RUNX3: variants seen among roughly 807,000 people sequenced by gnomAD.
RUNX3 encodes runt-related transcription factor 3.
In RUNX3, 10 loss-of-function variants were observed where a neutral mutation model predicts 27.7. That is an observed-to-expected ratio of 0.36 (90% CI 0.22 to 0.61). The LOEUF is 0.61. Among genes scored for constraint, RUNX3 ranks in the 20% least tolerant of loss-of-function variants. The pLI, the probability that RUNX3 is intolerant of heterozygous loss-of-function variation, is 0.72. For synonymous variants in RUNX3, 270 were observed against 269.2 expected, an observed-to-expected ratio of 1.00 and a Z score of -0.03; for missense variants, 469 against 629.5, an observed-to-expected ratio of 0.75 and a Z score of 2.73.
In RUNX3 at chr1:24,943,333, C is replaced by A. The variant is rs1392357455; in HGVS notation, c.59-13481G>T. ...AATGTGAGGCTCCTGGAGACAGGGT[C>A]ATGGACTTGAGGCTCTGAGACCCTG... On this transcript the variant is annotated intron_variant, in intron 2 of 6. Transcript: ENST00000338888. The surrounding 1 kb of genome is among the most constrained non-coding windows in gnomAD (Gnocchi z 4.6). Among the ~76,000 whole-genome samples the A allele has an allele frequency of 6.6e-6, 1 of 152,208 alleles. No homozygotes were observed.
In RUNX3 at chr1:24,906,540, G is replaced by A. The variant is rs114241303; in HGVS notation, c.703+719C>T. 4.3e-3 allele frequency among the ~76,000 whole-genome samples: 657 copies of A among 152,306 alleles called. 8 individuals carry two copies. The highest frequency in any genetic ancestry group is 0.015 in the African/African-American group (634 of 41,562). Reference sequence around the variant, plus strand: ...CAGAGGAGAGATGCAGCCGGCAGCCGTTTAGTGAGCGGCTACTATGCGCCA... The same window carrying A: ...CAGAGGAGAGATGCAGCCGGCAGCCATTTAGTGAGCGGCTACTATGCGCCA... On this transcript the variant is annotated intron_variant, in intron 4 of 4. Transcript: ENST00000308873.
chr1:24,911,570 C>T (rs1254205087), intron 3 of RUNX3, among the ~76,000 whole-genome samples: 1 of 152,212 alleles, frequency 6.6e-6, no homozygotes, highest in East Asian at 1.9e-4. Context: ...CCATCATGAC[C>T]ATCGCTTTTA....
At chr1:24,958,987 C>T (rs1642026755) in intron 2 of RUNX3, among the ~76,000 whole-genome samples, 1 of 152,238 alleles carries the variant, frequency 6.6e-6, no homozygotes, top group South Asian at 2.1e-4. Flanking sequence ...AACCCAGAGC[C>T]CAGGCCTGTT....
intron 2 of RUNX3, among the ~76,000 whole-genome samples, chr1:24,957,382 A>T (rs1003065170): frequency 6.7e-6 from 1 of 149,540 alleles, no homozygotes; most frequent in African/African-American, 2.5e-5. Context: ...CCATCCATCC[A>T]TTCTTTCTTT....
chr1:24,915,253 G>A (rs1388506571), intron 3 of RUNX3, among the ~76,000 whole-genome samples: 1 of 152,110 alleles, frequency 6.6e-6, no homozygotes, highest in Non-Finnish European at 1.5e-5. Flanking sequence ...GTGAAACCCT[G>A]TCTCTATTAA....
intron 3 of RUNX3, among the ~76,000 whole-genome samples, chr1:24,908,023 CG>C (rs1640706678): frequency 2.7e-5 from 4 of 146,256 alleles, no homozygotes; most frequent in South Asian, 2.2e-4. Flanking sequence ...CGCGGTGATC[CG>C]AACCTCAACC....
intron 2 of RUNX3, among the ~76,000 whole-genome samples, chr1:24,958,321 C>T (rs966705028): frequency 4.6e-5 from 7 of 152,198 alleles, no homozygotes; most frequent in Non-Finnish European, 8.8e-5. Context: ...TGTTCTGACT[C>T]CTAAACTGTG....
chr1:24,919,396 A>G (rs1640951367), intron 2 of RUNX3, 52 bp from the exon 3 acceptor site: 1 of 1,219,770 alleles, frequency 8.2e-7, no homozygotes, highest in Non-Finnish European at 1.2e-6. Flanking sequence ...AGCTTCCACA[A>G]TACCCTGCTC....
At position 24,927,972 on chromosome 1, in the gene RUNX3, A is replaced by G. The variant is rs1641131771; in HGVS notation, c.283-242T>C. On this transcript the variant is annotated intron_variant, in intron 1 of 4. Transcript: ENST00000308873. This position sits in a 1 kb window ranked among gnomAD's most constrained non-coding sequence, Gnocchi z 5.0. ...AATCCTAGATCAACTGCTTACATAA[A>G]CTGTGTCCCAAGAAATCATCCTTTC... Among the ~76,000 whole-genome samples, 4 of 152,214 alleles carry G rather than the reference A, an allele frequency of 2.6e-5. No homozygotes were observed. In the South Asian group the frequency reaches 6.2e-4, roughly 24 times the overall value.
chr1:24,958,105 C>T (rs1199331880), intron 2 of RUNX3, among the ~76,000 whole-genome samples: 1 of 152,164 alleles, frequency 6.6e-6, no homozygotes, highest in Non-Finnish European at 1.5e-5. Context: ...GGGGCCCGAG[C>T]CGATCAGGAG....
intron 2 of RUNX3, among the ~76,000 whole-genome samples, chr1:24,959,069 C>A (rs960234580): frequency 6.6e-6 from 1 of 152,232 alleles, no homozygotes; most frequent in Non-Finnish European, 1.5e-5. Context: ...TCTCCTCCTG[C>A]CTCTCACAGC....
In RUNX3 at chr1:24,905,849, G is replaced by A. The variant is rs116614748; in HGVS notation, c.703+1410C>T. On this transcript the variant is annotated intron_variant, in intron 4 of 4. Coordinates refer to ENST00000308873, the MANE Select transcript of RUNX3 (RefSeq NM_004350.3). ...GTAGCAGAAGCAGAGGCAGCTACGC[G>A]GCAGGGGTGGGCGTGAGCACAGCGT... Among the ~76,000 whole-genome samples the A allele has an allele frequency of 1.6e-3, 251 of 152,364 alleles. 1 individual carries two copies. Among genetic ancestry groups the A allele is most frequent in the African/African-American group, 6.0e-3 (248 of 41,586 alleles).
At chr1:24,914,456 G>T (rs1640849632) in intron 3 of RUNX3, among the ~76,000 whole-genome samples, 1 of 152,222 alleles carries the variant, frequency 6.6e-6, no homozygotes, top group Admixed American at 6.5e-5. Context: ...GCGGGTGCCG[G>T]GCCTGGGGTG....
upstream of RUNX3, among the ~76,000 whole-genome samples, chr1:24,932,224 A>T (rs1318123372): frequency 6.7e-6 from 1 of 148,922 alleles, no homozygotes; most frequent in Non-Finnish European, 1.5e-5. Context: ...AGAATGAGGG[A>T]CTCTTGTGGG....
At position 24,911,821 on chromosome 1, in the gene RUNX3, G is replaced by C. The variant is rs544450864; in HGVS notation, c.545-4404C>G. ...GACCGACGCTGAGCGCCTGTTCCGG[G>C]ACCCAGGCTGTGGGTCAGGTAATCT... is the stretch of plus-strand genomic sequence containing the variant. On this transcript the variant is annotated intron_variant, in intron 3 of 4. Coordinates refer to ENST00000308873, the MANE Select transcript of RUNX3 (RefSeq NM_004350.3). Among the ~76,000 whole-genome samples, 103 of 152,314 alleles carry C rather than the reference G, an allele frequency of 6.8e-4. 1 individual carries two copies. Among genetic ancestry groups the C allele is most frequent in the African/African-American group, 2.5e-3 (102 of 41,570 alleles).
intron 3 of RUNX3, among the ~76,000 whole-genome samples, chr1:24,917,184 G>T (rs12408466): frequency 0.32 from 48,396 of 151,944 alleles, 9,517 homozygotes; most frequent in South Asian, 0.55. Context: ...TTCTGGAGTG[G>T]CTCCCCTCTT....
chr1:24,907,897 C>G (rs529237771), intron 3 of RUNX3, among the ~76,000 whole-genome samples: 38 of 151,862 alleles, frequency 2.5e-4, no homozygotes, highest in Non-Finnish European at 3.7e-4. Flanking sequence ...ACGCGGTGAT[C>G]TAAACCTCTA....
chr1:24,904,029 T>C lies in RUNX3; in HGVS notation c.704-1363A>G, dbSNP rs2124241841. On this transcript the variant is annotated intron_variant, in intron 4 of 4. Coordinates refer to ENST00000308873, the MANE Select transcript of RUNX3 (RefSeq NM_004350.3). The surrounding 1 kb of genome is among the most constrained non-coding windows in gnomAD (Gnocchi z 5.7). ...TCTTACTCTGGGTACCCAGGAGAACTGGCTCATTCAGGGCCCTGCCAAGTT... is the reference window on the plus strand; with the variant it reads ...TCTTACTCTGGGTACCCAGGAGAACCGGCTCATTCAGGGCCCTGCCAAGTT... Among the ~76,000 whole-genome samples the C allele has an allele frequency of 6.6e-6, 1 of 152,266 alleles. No individual in the cohort carries two copies. Among genetic ancestry groups the C allele is most frequent in the Admixed American group, 6.5e-5 (1 of 15,302 alleles).
At chr1:24,964,772 G>T in intron 1 of RUNX3, 1 of 1,343,170 alleles carries the variant, frequency 7.4e-7, no homozygotes, top group Non-Finnish European at 9.8e-7. Context: ...AGGAAAGAAC[G>T]CGAGAGTGTG....
Sources: allele counts gnomAD v4.1 joint callset (sites outside exome capture counted in the v4.1 genomes callset), GRCh38; gene constraint gnomAD v4.1.1; non-coding constraint Gnocchi (gnomAD v3.1); transcripts MANE v1.5; gene names NCBI Gene and HGNC (gene_info 2026-07-23, HGNC 2026-07-21).